Variants in GON4L observed in about 807,000 individuals in gnomAD.
GON4L encodes the protein GON-4-like protein.
In GON4L, 87 loss-of-function variants were observed where a neutral mutation model predicts 211.8. The observed-to-expected ratio is 0.41, with a 90% confidence interval of 0.35 to 0.49. The LOEUF (loss-of-function observed/expected upper bound fraction) is 0.49, where lower values mean the gene tolerates loss of function less well. GON4L is among the 20% of genes least tolerant of loss of function. GON4L has a pLI of 0.15. For missense variants in GON4L, 2,155 were observed against 2,659.5 expected, an observed-to-expected ratio of 0.81 and a Z score of 4.17; for synonymous variants, 875 against 962.6, an observed-to-expected ratio of 0.91 and a Z score of 1.68.
intron 11 of GON4L, among the ~76,000 whole-genome samples, chr1:155,803,249 T>A (rs964258497): frequency 1.4e-5 from 2 of 147,174 alleles, no homozygotes; most frequent in African/African-American, 4.9e-5. Flanking sequence ...TTCTTTTTCT[T>A]TTTTTTTTTT....
In GON4L at chr1:155,832,511, C is replaced by T. The variant is rs1440570976; in HGVS notation, c.506-5483G>A. Among the ~76,000 whole-genome samples, 5 of 143,102 alleles carry T rather than the reference C, an allele frequency of 3.5e-5. No individual in the cohort carries two copies. The South Asian group carries it at 6.8e-4, about 20-fold the overall frequency. 93.9% of individuals were successfully genotyped at this position (143,102 alleles called of 152,430 possible). On this transcript the variant is annotated intron_variant, in intron 2 of 31. Coordinates refer to ENST00000368331, the MANE Select transcript of GON4L (RefSeq NM_001282860.2). ...AAAATTAGCCAGGTGTGGTGGCAGGCGCCTGTAATCCCAGCTACTCGGGAG... is the reference window on the plus strand; with the variant it reads ...AAAATTAGCCAGGTGTGGTGGCAGGTGCCTGTAATCCCAGCTACTCGGGAG...
intron 10 of GON4L, among the ~76,000 whole-genome samples, chr1:155,806,458 AT>A (rs200801610): frequency 1.3e-5 from 2 of 151,370 alleles, no homozygotes; most frequent in Non-Finnish European, 2.9e-5. Context: ...AATTTTTTTC[AT>A]TTTTTGTAGA....
chr1:155,791,000 G>A (rs1051693854), intron 12 of GON4L, among the ~76,000 whole-genome samples: 2 of 151,174 alleles, frequency 1.3e-5, no homozygotes, highest in Non-Finnish European at 2.9e-5. Flanking sequence ...AGTGGCTCGC[G>A]CTTGTAATCC....
intron 12 of GON4L, among the ~76,000 whole-genome samples, chr1:155,792,088 T>C (rs1665651053): frequency 1.3e-5 from 2 of 152,106 alleles, no homozygotes; most frequent in African/African-American, 4.8e-5. Flanking sequence ...AAGTTTACAA[T>C]ACACTATCTG....
chr1:155,752,539 G>C lies in GON4L; in HGVS notation c.5894C>G (p.Thr1965Arg), dbSNP rs775694674. 6.2e-7 allele frequency: 1 copy of C among 1,604,036 alleles called. No individual in the cohort carries two copies. Among genetic ancestry groups the C allele is most frequent in the Non-Finnish European group, 8.5e-7 (1 of 1,175,134 alleles). ...TGGGCCATCCAGGAGGAGCCGTTCTGTAACAGTCACTTCTCGAGGGGATGG... is the reference window on the plus strand; with the variant it reads ...TGGGCCATCCAGGAGGAGCCGTTCTCTAACAGTCACTTCTCGAGGGGATGG... ...TLPSPREVTV[T>R]ERLLLDGPPP... Residue 1965 changes from threonine (T) to arginine (R), a missense_variant, in exon 30 of 32, where the codon ACA (threonine) becomes AGA (arginine). Thr to Arg is a moderately conservative substitution (Grantham distance 71). Coordinates refer to ENST00000368331, the MANE Select transcript of GON4L (RefSeq NM_001282860.2).
At chr1:155,811,498 G>A (rs1267834946) in intron 10 of GON4L, among the ~76,000 whole-genome samples, 1 of 150,462 alleles carries the variant, frequency 6.6e-6, no homozygotes, top group African/African-American at 2.4e-5. Flanking sequence ...GCTCACGTCT[G>A]TAATCCCAGC....
chr1:155,773,340 C>T lies in GON4L; in HGVS notation c.2351-130G>A, dbSNP rs1663407706. 8.1e-6 allele frequency: 8 copies of T among 984,070 alleles called. No homozygotes were observed. In the East Asian group the frequency reaches 1.6e-4, roughly 19 times the overall value. 61.0% of individuals were successfully genotyped at this position (984,070 alleles called of 1,614,324 possible). ...AACTTGATTCCCTCCCATCTGCCCA[C>T]CATCCCCCCAAAAGTTTCCAGTCTT... On this transcript the variant is annotated intron_variant, in intron 17 of 31. Coordinates refer to ENST00000368331, the MANE Select transcript of GON4L (RefSeq NM_001282860.2).
intron 11 of GON4L, among the ~76,000 whole-genome samples, chr1:155,804,730 C>T (rs772314892): frequency 1.3e-5 from 2 of 151,448 alleles, no homozygotes; most frequent in African/African-American, 2.4e-5. Flanking sequence ...TGCAATGAAC[C>T]GTGACTGCAA....
At chr1:155,847,263 T>C (rs944475652) in intron 2 of GON4L, among the ~76,000 whole-genome samples, 9 of 152,142 alleles carry the variant, frequency 5.9e-5, no homozygotes, top group Admixed American at 3.9e-4. Flanking sequence ...ATTAAATGGA[T>C]TGGTTTTAAA....
At chr1:155,786,738 C>T (rs1319544290) in intron 12 of GON4L, among the ~76,000 whole-genome samples, 1 of 152,182 alleles carries the variant, frequency 6.6e-6, no homozygotes, top group East Asian at 1.9e-4. Context: ...CAACTGGATG[C>T]AACATATACG....
At chr1:155,793,974 A>G (rs778516379) in intron 12 of GON4L, among the ~76,000 whole-genome samples, 3 of 152,162 alleles carry the variant, frequency 2.0e-5, no homozygotes, top group Admixed American at 1.3e-4. Flanking sequence ...CCATACCTCC[A>G]GTCTTGTTCA....
At chr1:155,806,771 G>C (rs556540445) in intron 10 of GON4L, among the ~76,000 whole-genome samples, 2 of 152,182 alleles carry the variant, frequency 1.3e-5, no homozygotes, top group South Asian at 4.2e-4. Context: ...ATTATCTGTT[G>C]ATGGAATTCA....
intron 19 of GON4L, 76 bp downstream of exon 19, chr1:155,770,991 T>G: frequency 6.2e-7 from 1 of 1,600,414 alleles, no homozygotes; most frequent in Admixed American, 1.7e-5. Flanking sequence ...GTTCCTCTTT[T>G]CTTTGAGAAT....
intron 31 of GON4L, among the ~76,000 whole-genome samples, chr1:155,751,034 G>A (rs1324381637): frequency 1.6e-4 from 24 of 152,150 alleles, no homozygotes; most frequent in Admixed American, 1.6e-3. Flanking sequence ...AAAGTGTTGG[G>A]ATTACAGGAA....
intron 24 of GON4L, among the ~76,000 whole-genome samples, chr1:155,759,813 T>C (rs943414204): frequency 2.0e-5 from 3 of 151,814 alleles, no homozygotes; most frequent in Admixed American, 2.0e-4. Context: ...CACGTTACCA[T>C]ACCACAGTGG....
intron 13 of GON4L, chr1:155,784,352 T>G: frequency 5.3e-6 from 1 of 189,138 alleles, no homozygotes; most frequent in South Asian, 8.9e-5. Flanking sequence ...TATCAATCTC[T>G]CTCTCCTTTT....
chr1:155,819,835 T>C (rs1295204054), intron 6 of GON4L, among the ~76,000 whole-genome samples: 1 of 152,234 alleles, frequency 6.6e-6, no homozygotes, highest in Non-Finnish European at 1.5e-5. Context: ...TGTTGTGTTT[T>C]TGCCAATGCA....
intron 2 of GON4L, among the ~76,000 whole-genome samples, chr1:155,836,993 C>T (rs1193247352): frequency 6.6e-6 from 1 of 152,172 alleles, no homozygotes; most frequent in African/African-American, 2.4e-5. Context: ...TTGGGCCTCA[C>T]TGTTGGCCAC....
chr1:155,771,884 C>A (rs1345471263), intron 18 of GON4L, among the ~76,000 whole-genome samples: 1 of 152,130 alleles, frequency 6.6e-6, no homozygotes, highest in African/African-American at 2.4e-5. Flanking sequence ...AAGAATAAGG[C>A]CAGGCGCAAT....
Sources: gnomAD v4.1 joint callset for allele counts (sites outside exome capture counted in the v4.1 genomes callset) on GRCh38, gnomAD v4.1.1 for gene constraint, MANE v1.5 for transcripts, NCBI Gene and HGNC (gene_info 2026-07-23, HGNC 2026-07-21) for gene names.